Variants in OMA1 observed in about 807,000 individuals in gnomAD.
OMA1 encodes metalloendopeptidase OMA1, mitochondrial.
In OMA1, 38 loss-of-function variants were observed where a neutral mutation model predicts 30.9. The ratio of observed to expected loss-of-function variants is 1.23; its 90% CI spans 0.95 to 1.61. OMA1 has a LOEUF of 1.61. OMA1 is among the 40% of genes most tolerant of loss of function. The pLI is 0.00. For missense variants in OMA1, 461 were observed against 349.2 expected, an observed-to-expected ratio of 1.32 and a Z score of -2.55; for synonymous variants, 173 against 121.9, an observed-to-expected ratio of 1.42 and a Z score of -2.76.
intron 5 of OMA1, among the ~76,000 whole-genome samples, chr1:58,530,960 A>T (rs17117650): frequency 0.015 from 2,242 of 152,262 alleles, 47 homozygotes; most frequent in East Asian, 0.12. Flanking sequence ...ACTTACTATT[A>T]GTCAGAGGAT....
At chr1:58,497,549 G>T (rs1461353795) in intron 8 of OMA1, among the ~76,000 whole-genome samples, 1 of 152,104 alleles carries the variant, frequency 6.6e-6, no homozygotes, top group African/African-American at 2.4e-5. Context: ...TGCCTCTTTA[G>T]CATAAGAGTT....
chr1:58,502,806 A>G (rs959250764), intron 8 of OMA1, among the ~76,000 whole-genome samples: 5 of 152,224 alleles, frequency 3.3e-5, no homozygotes, highest in African/African-American at 9.6e-5. Context: ...GTTATTCCCA[A>G]TATTGCAATA....
chr1:58,541,262 C>T lies in OMA1; in HGVS notation c.-16-1952G>A, dbSNP rs1227100115. 4.5e-5 allele frequency among the ~76,000 whole-genome samples: 5 copies of T among 112,254 alleles called. No homozygotes were observed. In the East Asian group the frequency reaches 1.2e-3, roughly 26 times the overall value. 73.6% of individuals were successfully genotyped at this position (112,254 alleles called of 152,430 possible). A position where few individuals can be genotyped will look rare whatever the true frequency, so the allele number is the denominator to read the frequency against. On this transcript the variant is annotated intron_variant, in intron 1 of 8. Coordinates refer to ENST00000371226, the MANE Select transcript of OMA1 (RefSeq NM_145243.5). ...TGAGCCGAGATGACGCCACTGCATT[C>T]CAGCCTGGGCAACAGAGTGAGACTC...
intron 5 of OMA1, 118 bp downstream of exon 5, chr1:58,533,835 C>G (rs1418359509): frequency 5.8e-6 from 4 of 688,554 alleles, no homozygotes; most frequent in Non-Finnish European, 1.0e-5. Context: ...AGGCAATTAC[C>G]CAAAACTAAA....
At chr1:58,523,552 A>G (rs1646300458) in intron 7 of OMA1, among the ~76,000 whole-genome samples, 1 of 152,182 alleles carries the variant, frequency 6.6e-6, no homozygotes, top group Non-Finnish European at 1.5e-5. Flanking sequence ...GGACGCCTTC[A>G]GTGTTGAACT....
intron 7 of OMA1, among the ~76,000 whole-genome samples, chr1:58,525,445 C>T (rs1646334689): frequency 6.6e-6 from 1 of 152,042 alleles, no homozygotes; most frequent in Non-Finnish European, 1.5e-5. Context: ...TTTTTATATA[C>T]AAGCAATTTA....
chr1:58,491,939 C>G (rs1282448237), intron 8 of OMA1, among the ~76,000 whole-genome samples: 1 of 152,186 alleles, frequency 6.6e-6, no homozygotes, highest in Non-Finnish European at 1.5e-5. Context: ...CAGAACTCTC[C>G]ACCCCAAATC....
chr1:58,505,617 C>CT (rs551570340), intron 8 of OMA1, among the ~76,000 whole-genome samples: 31 of 151,756 alleles, frequency 2.0e-4, no homozygotes, highest in Non-Finnish European at 3.7e-4. Flanking sequence ...ATTTTTTTTC[C>CT]TAAAAAAACA....
chr1:58,543,920 C>T (rs1569990324), intron 1 of OMA1, among the ~76,000 whole-genome samples: 2 of 152,162 alleles, frequency 1.3e-5, no homozygotes, highest in African/African-American at 4.8e-5. Context: ...TGAAATGTGA[C>T]TGGTGCATCT....
intron 8 of OMA1, among the ~76,000 whole-genome samples, chr1:58,500,605 A>G (rs1569900532): frequency 6.6e-6 from 1 of 152,312 alleles, no homozygotes; most frequent in African/African-American, 2.4e-5. Flanking sequence ...AGATTTTTTT[A>G]AGTTTCTGAA....
intron 1 of OMA1, among the ~76,000 whole-genome samples, chr1:58,543,889 T>C (rs771815677): frequency 6.6e-5 from 10 of 152,222 alleles, no homozygotes; most frequent in Non-Finnish European, 1.0e-4. Flanking sequence ...AGGTAGCCCC[T>C]ACATGTGGCT....
At chr1:58,496,130 T>A (rs74353304) in intron 8 of OMA1, among the ~76,000 whole-genome samples, 1 of 152,144 alleles carries the variant, frequency 6.6e-6, no homozygotes, top group Non-Finnish European at 1.5e-5. Context: ...GCAGCTTGGA[T>A]TTCCTGGTGC....
At chr1:58,508,971 C>T (rs922380223) in intron 7 of OMA1, among the ~76,000 whole-genome samples, 5 of 152,084 alleles carry the variant, frequency 3.3e-5, no homozygotes, top group Admixed American at 6.6e-5. Context: ...ATGGACCAGA[C>T]AGGACCCTAG....
At position 58,481,194 on chromosome 1, in the gene OMA1, TA is replaced by T. The variant is rs781673594; in HGVS notation, c.1366-21del. On this transcript the variant is annotated intron_variant, in intron 8 of 8. Coordinates refer to ENST00000371226, the MANE Select transcript of OMA1 (RefSeq NM_145243.5). ...GAGAGCCTATAAAGAAATAATAAAA[TA>T]AAAAAATACTATATATATACATCAA... 6.6e-5 allele frequency: 50 copies of T among 754,546 alleles called. No individual in the cohort carries two copies. The highest frequency in any genetic ancestry group is 6.9e-4 in the Middle Eastern group (2 of 2,918). The allele number at this position is 754,546 out of a possible 1,614,324, so 46.7% of individuals were successfully genotyped here.
At chr1:58,524,814 A>G (rs1303720089) in intron 7 of OMA1, among the ~76,000 whole-genome samples, 3 of 152,210 alleles carry the variant, frequency 2.0e-5, no homozygotes, top group African/African-American at 7.2e-5. Flanking sequence ...TGTTTACAGT[A>G]TTGCACTAAA....
chr1:58,530,096 T>A (rs971374912), intron 6 of OMA1, among the ~76,000 whole-genome samples: 3 of 152,170 alleles, frequency 2.0e-5, no homozygotes, highest in African/African-American at 4.8e-5. Context: ...TTAGCCAGGA[T>A]GGTCTCAATC....
chr1:58,512,355 A>C (rs1048834339), intron 7 of OMA1, among the ~76,000 whole-genome samples: 1 of 152,166 alleles, frequency 6.6e-6, no homozygotes, highest in African/African-American at 2.4e-5. Flanking sequence ...TTACTCAAAA[A>C]ATTTTTAAAA....
chr1:58,499,429 G>T (rs1448806621), intron 8 of OMA1, among the ~76,000 whole-genome samples: 1 of 150,808 alleles, frequency 6.6e-6, no homozygotes, highest in Non-Finnish European at 1.5e-5. Context: ...AAGCTGCAGT[G>T]AACTATGATT....
rs71043292 is a variant in OMA1, at chr1:58,541,293, C to CAAAAAAAAA, written c.-16-1992_-16-1984dup. ...TGGGCAACAGAGTGAGACTCTGTCT[C>CAAAAAAAAA]AAAAAAAAAAAAAAAAAAAAAAAAA... On this transcript the variant is annotated intron_variant, in intron 1 of 8. Transcript: ENST00000371226. 2.9e-4 allele frequency among the ~76,000 whole-genome samples: 8 copies of CAAAAAAAAA among 27,570 alleles called. 1 individual carries two copies. The highest frequency in any genetic ancestry group is 1.8e-3 in the South Asian group (1 of 564). 18.1% of individuals were successfully genotyped at this position (27,570 alleles called of 152,430 possible).
Sources: gnomAD v4.1 joint callset for allele counts (sites outside exome capture counted in the v4.1 genomes callset) on GRCh38, gnomAD v4.1.1 for gene constraint, MANE v1.5 for transcripts, NCBI Gene and HGNC (gene_info 2026-07-23, HGNC 2026-07-21) for gene names.